Variants in DLGAP1 observed in about 807,000 individuals in gnomAD.
The protein encoded by DLGAP1 is disks large-associated protein 1.
DLGAP1 carries 11 observed loss-of-function variants against 90.8 expected under a neutral mutation model. That is an observed-to-expected ratio of 0.12 (90% confidence interval 0.08 to 0.20). The LOEUF (loss-of-function observed/expected upper bound fraction) is 0.20, where lower values mean the gene tolerates loss of function less well. Ranked by LOEUF, DLGAP1 falls within the 10% of genes least tolerant of loss-of-function variation. The pLI is 1.00. For missense variants in DLGAP1, 1,050 were observed against 1,333.8 expected, an observed-to-expected ratio of 0.79 and a Z score of 3.31; for synonymous variants, 558 against 540.7, an observed-to-expected ratio of 1.03 and a Z score of -0.44.
At chr18:4,390,166 G>GGA (rs1555611244) in intron 1 of DLGAP1, among the ~76,000 whole-genome samples, 6 of 147,180 alleles carry the variant, frequency 4.1e-5, no homozygotes, top group Non-Finnish European at 6.0e-5. Context: ...CAAATTGTGT[G>GGA]AAAAAAAAAA....
In DLGAP1 at chr18:3,580,579, G is replaced by A. The variant is rs151338815; in HGVS notation, c.1965+1296C>T. On this transcript the variant is annotated intron_variant, in intron 8 of 12. Transcript: ENST00000315677. Reference sequence around the variant, plus strand: ...AGCCAGAGGAGGGCTCCGGGGAGGAGGTGCCCATGGAGACTAGAGAGAATG... The same window carrying A: ...AGCCAGAGGAGGGCTCCGGGGAGGAAGTGCCCATGGAGACTAGAGAGAATG... 2,629 of 1,587,510 alleles carry A rather than the reference G, an allele frequency of 1.7e-3. 41 individuals carry two copies. In the African/African-American group the frequency reaches 0.029, roughly 18 times the overall value.
intron 2 of DLGAP1, among the ~76,000 whole-genome samples, chr18:4,140,943 T>C (rs2076485704): frequency 6.6e-6 from 1 of 152,046 alleles, no homozygotes. Flanking sequence ...TTTTTTTCTC[T>C]TGGGGCTTTT....
chr18:4,388,571 T>C (rs1209817118), intron 1 of DLGAP1, among the ~76,000 whole-genome samples: 10 of 152,034 alleles, frequency 6.6e-5, no homozygotes, highest in Non-Finnish European at 2.9e-5. Context: ...CAGAAAGAAA[T>C]TGGTGAAGAA....
In DLGAP1 at chr18:3,880,141, C is replaced by A; in HGVS notation, c.-72-1G>T. On this transcript the variant is annotated splice_acceptor_variant, in intron 3 of 12. Coordinates refer to ENST00000315677, the MANE Select transcript of DLGAP1 (RefSeq NM_004746.4). LOFTEE classifies it low-confidence loss of function (5UTR_SPLICE). The stretch of plus-strand genomic sequence containing the variant: ...CTCCAGACCCGTCTTGGGCAGGGAT[C>A]TGGGGGAATGAAGAAAAGGGCAAAG... 7.0e-7 allele frequency: 1 copy of A among 1,424,466 alleles called. No homozygotes were observed. The highest frequency in any genetic ancestry group is 9.7e-7 in the Non-Finnish European group (1 of 1,030,706). 88.2% of individuals were successfully genotyped at this position (1,424,466 alleles called of 1,614,324 possible). A position where few individuals can be genotyped will look rare whatever the true frequency, so the allele number is the denominator to read the frequency against.
At chr18:4,064,960 C>T (rs1053429084) in intron 2 of DLGAP1, among the ~76,000 whole-genome samples, 2 of 152,122 alleles carry the variant, frequency 1.3e-5, no homozygotes, top group African/African-American at 4.8e-5. Context: ...TCTAGAAGCA[C>T]ATCAAAAAGG....
intron 5 of DLGAP1, among the ~76,000 whole-genome samples, chr18:3,764,929 G>C (rs2064148188): frequency 6.6e-6 from 1 of 152,050 alleles, no homozygotes. Context: ...ATGAGAATCA[G>C]GGGCCACAGG....
intron 3 of DLGAP1, among the ~76,000 whole-genome samples, chr18:3,935,828 G>A (rs577812826): frequency 6.6e-6 from 1 of 152,150 alleles, no homozygotes; most frequent in East Asian, 1.9e-4. Flanking sequence ...GGTTTGAAAC[G>A]AGCTCTCATT....
intron 1 of DLGAP1, among the ~76,000 whole-genome samples, chr18:4,222,082 C>G (rs903265533): frequency 6.6e-6 from 1 of 152,100 alleles, no homozygotes. Flanking sequence ...AACATCATCT[C>G]TTTTCATTCT....
chr18:4,349,713 A>T (rs1335564882), intron 1 of DLGAP1, among the ~76,000 whole-genome samples: 1 of 151,912 alleles, frequency 6.6e-6, no homozygotes, highest in Admixed American at 6.6e-5. Context: ...ATACGAAATT[A>T]AAAAAACCGA....
intron 9 of DLGAP1, 78 bp downstream of exon 9, chr18:3,567,412 A>G: frequency 8.2e-7 from 1 of 1,217,906 alleles, no homozygotes; most frequent in East Asian, 2.3e-5. Flanking sequence ...TGAATTTTGT[A>G]GACTTATCAC....
chr18:4,196,697 ATTCT>A (rs2077504099), intron 1 of DLGAP1, among the ~76,000 whole-genome samples: 1 of 152,226 alleles, frequency 6.6e-6, no homozygotes, highest in Non-Finnish European at 1.5e-5. Flanking sequence ...TTCTGTTGCC[ATTCT>A]TTCTTTTAAG....
chr18:4,152,491 G>A (rs962371598), intron 1 of DLGAP1, among the ~76,000 whole-genome samples: 2 of 152,186 alleles, frequency 1.3e-5, no homozygotes, highest in Non-Finnish European at 1.5e-5. Flanking sequence ...CAGATGCTCT[G>A]TCTGGAAGTT....
chr18:3,800,469 T>A (rs1325571197), intron 5 of DLGAP1, among the ~76,000 whole-genome samples: 1 of 152,244 alleles, frequency 6.6e-6, no homozygotes, highest in Non-Finnish European at 1.5e-5. Context: ...AGAGTGTGGT[T>A]AACCCACAAG....
intron 10 of DLGAP1, among the ~76,000 whole-genome samples, chr18:3,528,223 C>T (rs1418656097): frequency 1.3e-5 from 2 of 152,128 alleles, no homozygotes; most frequent in African/African-American, 4.8e-5. Flanking sequence ...GGTATCTGTA[C>T]TTGACCCATT....
At chr18:4,184,207 G>C (rs1020466037) in intron 1 of DLGAP1, among the ~76,000 whole-genome samples, 4 of 152,222 alleles carry the variant, frequency 2.6e-5, no homozygotes, top group Admixed American at 6.6e-5. Context: ...TGTATTGATC[G>C]TGACCTAAAT....
At chr18:4,426,420 T>A (rs1270116312) in intron 1 of DLGAP1, among the ~76,000 whole-genome samples, 2 of 152,224 alleles carry the variant, frequency 1.3e-5, no homozygotes, top group Non-Finnish European at 2.9e-5. Context: ...TGCTTTTGAA[T>A]TCTTGTACTA....
At chr18:4,294,587 G>C (rs989445867) in intron 1 of DLGAP1, 1 of 152,304 alleles carries the variant, frequency 6.6e-6, no homozygotes, top group Non-Finnish European at 1.5e-5. Flanking sequence ...GTGTCTAGGG[G>C]TGAGTTTCTG....
In DLGAP1 at chr18:3,659,607, C is replaced by T. The variant is rs570424101; in HGVS notation, c.1591+69528G>A. Among the ~76,000 whole-genome samples the T allele has an allele frequency of 4.7e-3, 719 of 151,850 alleles. 1 individual carries two copies. The highest frequency in any genetic ancestry group is 7.9e-3 in the Non-Finnish European group (534 of 67,954). ...TTGAGACAGAATCTCCCTCTGTCGCCCAGGCTGGAGTGCAGTGGTGCAATC... is the reference window on the plus strand; with the variant it reads ...TTGAGACAGAATCTCCCTCTGTCGCTCAGGCTGGAGTGCAGTGGTGCAATC... On this transcript the variant is annotated intron_variant, in intron 7 of 12. Coordinates refer to ENST00000315677, the MANE Select transcript of DLGAP1 (RefSeq NM_004746.4).
intron 5 of DLGAP1, among the ~76,000 whole-genome samples, chr18:3,810,738 G>C (rs1454042745): frequency 1.3e-5 from 2 of 152,046 alleles, no homozygotes; most frequent in African/African-American, 4.8e-5. Flanking sequence ...TGTCATGTCT[G>C]AATTTTTGCC....
Sources: allele counts gnomAD v4.1 joint callset (sites outside exome capture counted in the v4.1 genomes callset), GRCh38; gene constraint gnomAD v4.1.1; transcripts MANE v1.5; gene names NCBI Gene and HGNC (gene_info 2026-07-23, HGNC 2026-07-21).